Variants in SLIT1 observed in about 807,000 individuals in gnomAD.
SLIT1 encodes the protein slit homolog 1 protein.
A neutral mutation model predicts 186.1 loss-of-function variants in SLIT1; 66 were observed. That is an observed-to-expected ratio of 0.35 (90% CI 0.29 to 0.44). The LOEUF (loss-of-function observed/expected upper bound fraction) is 0.44, where lower values mean the gene tolerates loss of function less well. SLIT1 is among the 20% of genes least tolerant of loss of function. The pLI is 1.00. For missense variants in SLIT1, 1,638 were observed against 2,037.4 expected, an observed-to-expected ratio of 0.80 and a Z score of 3.77; for synonymous variants, 761 against 833.8, an observed-to-expected ratio of 0.91 and a Z score of 1.50.
intron 1 of SLIT1, among the ~76,000 whole-genome samples, chr10:97,170,909 G>A (rs190039912): frequency 1.4e-4 from 22 of 152,162 alleles, no homozygotes; most frequent in East Asian, 1.4e-3. Context: ...GGCTCCTCTC[G>A]GGCTGTTCTG....
intron 4 of SLIT1, among the ~76,000 whole-genome samples, chr10:97,123,283 C>T (rs1377093402): frequency 6.6e-6 from 1 of 152,244 alleles, no homozygotes; most frequent in Non-Finnish European, 1.5e-5. Context: ...CACCTTTTAT[C>T]AGCACGCCAC....
intron 1 of SLIT1, among the ~76,000 whole-genome samples, chr10:97,170,005 C>T (rs867400080): frequency 1.3e-5 from 2 of 152,366 alleles, no homozygotes; most frequent in Middle Eastern, 3.4e-3. Flanking sequence ...CATGCCCTCA[C>T]CTCGAGTGGC....
chr10:97,159,970 G>C (rs1453813791), intron 3 of SLIT1, among the ~76,000 whole-genome samples: 1 of 152,160 alleles, frequency 6.6e-6, no homozygotes, highest in African/African-American at 2.4e-5. Flanking sequence ...GGTACCAAGA[G>C]GTAAGTGACT....
Position 97,063,611 on chromosome 10 carries a change from G to A in SLIT1, c.637C>T (p.His213Tyr). ...HMPKLRTFRL[H>Y]SNHLFCDCHL... ...CAGTCGCAAAACAGGTGGTTGGAGTGCAGGCGGCTGCAAGAGGACAGGATG... is the reference window on the plus strand; with the variant it reads ...CAGTCGCAAAACAGGTGGTTGGAGTACAGGCGGCTGCAAGAGGACAGGATG... Residue 213 changes from histidine to tyrosine, a missense_variant, in exon 8 of 37, where the codon CAC becomes TAC. Physicochemically the swap from His to Tyr is moderately conservative, Grantham distance 83. Coordinates refer to ENST00000266058, the MANE Select transcript of SLIT1 (RefSeq NM_003061.3). 1 of 1,602,796 alleles carries A rather than the reference G, an allele frequency of 6.2e-7. No individual in the cohort carries two copies. Among genetic ancestry groups the A allele is most frequent in the Non-Finnish European group, 8.5e-7 (1 of 1,174,464 alleles).
At chr10:97,070,384 T>C (rs1848991493) in intron 4 of SLIT1, among the ~76,000 whole-genome samples, 1 of 152,192 alleles carries the variant, frequency 6.6e-6, no homozygotes, top group African/African-American at 2.4e-5. Context: ...ACATCACTTC[T>C]TTTTGGGGGC....
chr10:97,012,555 G>T (rs896967132), intron 30 of SLIT1, among the ~76,000 whole-genome samples: 2 of 152,202 alleles, frequency 1.3e-5, no homozygotes, highest in African/African-American at 2.4e-5. Flanking sequence ...GCAGCTCCAG[G>T]CTGGACAACG....
At chr10:97,110,387 C>A (rs1033581066) in intron 4 of SLIT1, among the ~76,000 whole-genome samples, 5 of 152,196 alleles carry the variant, frequency 3.3e-5, no homozygotes, top group African/African-American at 1.2e-4. Flanking sequence ...ATGTTCCAAG[C>A]ATTATTTGCA....
intron 4 of SLIT1, among the ~76,000 whole-genome samples, chr10:97,133,933 C>T (rs909992306): frequency 1.3e-5 from 2 of 152,100 alleles, no homozygotes; most frequent in South Asian, 2.1e-4. Flanking sequence ...TCTGGACAGC[C>T]GTATACCCTT....
chr10:97,127,116 C>A (rs1414875493), intron 4 of SLIT1, among the ~76,000 whole-genome samples: 1 of 143,982 alleles, frequency 6.9e-6, no homozygotes, highest in Non-Finnish European at 1.6e-5. Flanking sequence ...TGGTGAAACC[C>A]CGTCTCTACT....
At chr10:97,041,777 T>C (rs1165789366) in intron 20 of SLIT1, among the ~76,000 whole-genome samples, 1 of 152,238 alleles carries the variant, frequency 6.6e-6, no homozygotes, top group East Asian at 1.9e-4. Flanking sequence ...GGCCTGTCAG[T>C]AACTTTTTTA....
chr10:97,166,623 G>GAAAGAAAGAAAGAAAGAAAGAAAGAGAAA (rs3979552), intron 1 of SLIT1, among the ~76,000 whole-genome samples: 16 of 42,656 alleles, frequency 3.8e-4, no homozygotes, highest in South Asian at 8.9e-4. Flanking sequence ...AAGAAAGAAA[G>GAAAGAAAGAAAGAAAGAAAGAAAGAGAAA]AGAAAAGAAA....
At chr10:97,054,087 A>G (rs1055627413) in intron 13 of SLIT1, among the ~76,000 whole-genome samples, 18 of 151,890 alleles carry the variant, frequency 1.2e-4, no homozygotes, top group Admixed American at 7.9e-4. Context: ...GGCACCAACA[A>G]CCGCTCGGCT....
At chr10:97,008,133 A>G (rs1000831495) in intron 31 of SLIT1, among the ~76,000 whole-genome samples, 42 of 152,336 alleles carry the variant, frequency 2.8e-4, no homozygotes, top group African/African-American at 9.9e-4. Flanking sequence ...AAAATCCTAC[A>G]GATTCCAGTA....
At chr10:97,127,084 A>T (rs1192877672) in intron 4 of SLIT1, among the ~76,000 whole-genome samples, 2 of 151,820 alleles carry the variant, frequency 1.3e-5, no homozygotes, top group Non-Finnish European at 2.9e-5. Flanking sequence ...AGGGCAGGAG[A>T]TCGAGACCAT....
At position 97,032,296 on chromosome 10, in the gene SLIT1, C is replaced by T. The variant is rs1462380563; in HGVS notation, c.2439-619G>A. Reference sequence around the variant, plus strand: ...ATTAAGTCATTAAGAAGGCTGGATGCGGTGGCTGACTCTTGTAATCCCAGC... The same window carrying T: ...ATTAAGTCATTAAGAAGGCTGGATGTGGTGGCTGACTCTTGTAATCCCAGC... On this transcript the variant is annotated intron_variant, in intron 23 of 36. Coordinates refer to ENST00000266058, the MANE Select transcript of SLIT1 (RefSeq NM_003061.3). Among the ~76,000 whole-genome samples, 19 of 152,252 alleles carry T rather than the reference C, an allele frequency of 1.2e-4. 1 individual carries two copies. The South Asian group carries it at 1.5e-3, about 12-fold the overall frequency.
At chr10:97,144,978 C>A (rs1849801770) in intron 4 of SLIT1, among the ~76,000 whole-genome samples, 1 of 151,980 alleles carries the variant, frequency 6.6e-6, no homozygotes, top group South Asian at 2.1e-4. Context: ...ATAATCAGTA[C>A]CCAGGATCAC....
At chr10:97,008,906 G>A (rs190045828) in intron 31 of SLIT1, among the ~76,000 whole-genome samples, 2,686 of 150,700 alleles carry the variant, frequency 0.018, 71 homozygotes, top group African/African-American at 0.058. Flanking sequence ...TTGAGATGGC[G>A]TCTCACTCTG....
At position 97,059,335 on chromosome 10, in the gene SLIT1, G is replaced by A. The variant is rs1848870036; in HGVS notation, c.1085+125C>T. On this transcript the variant is annotated intron_variant, in intron 11 of 36. Coordinates refer to ENST00000266058, the MANE Select transcript of SLIT1 (RefSeq NM_003061.3). ...GGATGACCCACTGAGGCTGGGGTGG[G>A]CAGGGGCTGTGTGGAGGGGGGCATA... 5.3e-6 allele frequency: 4 copies of A among 755,778 alleles called. No homozygotes were observed. The South Asian group carries it at 6.2e-5, about 12-fold the overall frequency. 46.8% of individuals were successfully genotyped at this position (755,778 alleles called of 1,614,324 possible).
chr10:97,172,406 T>C (rs1485605857), intron 1 of SLIT1, among the ~76,000 whole-genome samples: 2 of 152,158 alleles, frequency 1.3e-5, no homozygotes, highest in Non-Finnish European at 2.9e-5. Context: ...CCACATGAGA[T>C]TAGAAGCTCC....
Sources: gnomAD v4.1 joint callset for allele counts (sites outside exome capture counted in the v4.1 genomes callset) on GRCh38, gnomAD v4.1.1 for gene constraint, MANE v1.5 for transcripts, NCBI Gene and HGNC (gene_info 2026-07-23, HGNC 2026-07-21) for gene names.